The following FREM2 variants were observed in gnomAD, a reference collection of about 807,000 sequenced individuals.
FREM2 encodes FRAS1 related extracellular matrix 2.
A neutral mutation model predicts 219.9 loss-of-function variants in FREM2; 119 were observed. The observed-to-expected ratio is 0.54, with a 90% CI of 0.47 to 0.63. The LOEUF (loss-of-function observed/expected upper bound fraction) is 0.63, where lower values mean the gene tolerates loss of function less well. FREM2 is among the 30% of genes least tolerant of loss of function. The pLI is 0.00. For missense variants in FREM2, 4,030 were observed against 3,993.6 expected (o/e 1.01, Z -0.25); for synonymous variants, 1,562 against 1,522.8 (o/e 1.03, Z -0.60).
chr13:38,862,522 C>T (rs966978649), intron 15 of FREM2, among the ~76,000 whole-genome samples: 3 of 152,266 alleles, frequency 2.0e-5, no homozygotes, highest in East Asian at 3.9e-4. Context: ...CTTGGCTTTG[C>T]GTTTTCTGAA....
At chr13:38,752,648 G>A (rs964258876) in intron 2 of FREM2, among the ~76,000 whole-genome samples, 2 of 152,148 alleles carry the variant, frequency 1.3e-5, no homozygotes, top group African/African-American at 4.8e-5. Context: ...GAAGGCACTT[G>A]TATTTTCCCT....
At chr13:38,778,476 C>G (rs1184264366) in intron 4 of FREM2, among the ~76,000 whole-genome samples, 1 of 152,154 alleles carries the variant, frequency 6.6e-6, no homozygotes, top group Non-Finnish European at 1.5e-5. Flanking sequence ...ACCCTCATGA[C>G]CTCACCAAAG....
rs762606824 is a variant in FREM2 at position 38,880,701 on chromosome 13, A to C, written c.9424A>C (p.Arg3142=). 1 of 1,614,190 alleles carries C rather than the reference A, an allele frequency of 6.2e-7. No individual in the cohort carries two copies. The highest frequency in any genetic ancestry group is 8.5e-7 in the Non-Finnish European group (1 of 1,180,028). Residue 3142 remains arginine, a synonymous_variant, in exon 24 of 24, where the codon AGG becomes CGG. Transcript: ENST00000280481. Reference sequence around the variant, plus strand: ...GATGTGCAGGGGCAAGGAAAGTTTCAGGGGGAAGGATGCCCCGAAAGGCTC... The same window carrying C: ...GATGTGCAGGGGCAAGGAAAGTTTCCGGGGGAAGGATGCCCCGAAAGGCTC... ...VLMCRGKESF[R]GKDAPKGSSS...
At chr13:38,737,594 G>A (rs957753677) in intron 2 of FREM2, among the ~76,000 whole-genome samples, 2 of 152,190 alleles carry the variant, frequency 1.3e-5, no homozygotes, top group African/African-American at 4.8e-5. Context: ...ATAGGATACA[G>A]CAGTGAAGGA....
intron 16 of FREM2, among the ~76,000 whole-genome samples, chr13:38,872,336 G>T (rs931695680): frequency 6.6e-6 from 1 of 152,184 alleles, no homozygotes; most frequent in African/African-American, 2.4e-5. Context: ...TCCTTTTGGA[G>T]GTGATGAAAA....
At chr13:38,731,286 A>T (rs1375166495) in intron 2 of FREM2, among the ~76,000 whole-genome samples, 1 of 152,240 alleles carries the variant, frequency 6.6e-6, no homozygotes, top group Admixed American at 6.5e-5. Context: ...TTAAAATGAC[A>T]AAAACATACA....
At chr13:38,868,947 A>G (rs1878064245) in intron 16 of FREM2, among the ~76,000 whole-genome samples, 1 of 152,184 alleles carries the variant, frequency 6.6e-6, no homozygotes, top group South Asian at 2.1e-4. Flanking sequence ...ACCCCAGGAA[A>G]CAGCCCCTGC....
intron 6 of FREM2, among the ~76,000 whole-genome samples, chr13:38,823,022 A>G (rs1256232790): frequency 6.6e-6 from 1 of 152,108 alleles, no homozygotes. Context: ...AAAAGCATCA[A>G]AACAAATCAG....
intron 4 of FREM2, among the ~76,000 whole-genome samples, chr13:38,781,335 C>A (rs566631555): frequency 6.6e-6 from 1 of 152,228 alleles, no homozygotes; most frequent in African/African-American, 2.4e-5. Flanking sequence ...CTAATTCTAC[C>A]AGAGACTTTT....
At chr13:38,835,287 G>C (rs1186246981) in intron 6 of FREM2, among the ~76,000 whole-genome samples, 5 of 152,128 alleles carry the variant, frequency 3.3e-5, no homozygotes, top group African/African-American at 1.2e-4. Flanking sequence ...TGAGGCCTCT[G>C]TTCTGTTCCA....
At chr13:38,802,439 C>T (rs889746894) in intron 6 of FREM2, among the ~76,000 whole-genome samples, 2 of 151,470 alleles carry the variant, frequency 1.3e-5, no homozygotes, top group Admixed American at 1.3e-4. Flanking sequence ...GGAGGCTGGG[C>T]TTTCAGGATA....
rs191323534 is a variant in FREM2 at position 38,780,855 on chromosome 13, A to G, written c.5642-2215A>G. Among the ~76,000 whole-genome samples, 1,145 of 152,294 alleles carry G rather than the reference A, an allele frequency of 7.5e-3. 8 individuals carry two copies. The highest frequency in any genetic ancestry group is 0.017 in the Admixed American group (258 of 15,306). Reference sequence around the variant, plus strand: ...AATCCACTAGAGCTTCCCCATGCCAACAGCCTCCAATGAGGTCACACCTGA... The same window carrying G: ...AATCCACTAGAGCTTCCCCATGCCAGCAGCCTCCAATGAGGTCACACCTGA... On this transcript the variant is annotated intron_variant, in intron 4 of 23. Coordinates refer to ENST00000280481, the MANE Select transcript of FREM2 (RefSeq NM_207361.6).
chr13:38,751,197 T>C (rs1872743264), intron 2 of FREM2, among the ~76,000 whole-genome samples: 1 of 151,724 alleles, frequency 6.6e-6, no homozygotes, highest in Admixed American at 6.6e-5. Flanking sequence ...CAGTTCTTTT[T>C]TTTTTTTTTT....
chr13:38,874,710 T>C, intron 18 of FREM2, 124 bp downstream of exon 18: 1 of 770,408 alleles, frequency 1.3e-6, no homozygotes, highest in Non-Finnish European at 2.3e-6. Flanking sequence ...GAATTGTACA[T>C]GTGGGATTAT....
chr13:38,857,059 A>G (rs1195259940), intron 12 of FREM2, among the ~76,000 whole-genome samples: 1 of 152,140 alleles, frequency 6.6e-6, no homozygotes, highest in Non-Finnish European at 1.5e-5. Flanking sequence ...AAACTCAAGT[A>G]TGGGCAATCT....
chr13:38,816,293 AG>A (rs1357340752), intron 6 of FREM2, among the ~76,000 whole-genome samples: 1 of 152,182 alleles, frequency 6.6e-6, no homozygotes, highest in African/African-American at 2.4e-5. Context: ...GAAAAACTAC[AG>A]GTTAGGATCT....
At chr13:38,720,583 A>T (rs1871185648) in intron 2 of FREM2, among the ~76,000 whole-genome samples, 1 of 152,216 alleles carries the variant, frequency 6.6e-6, no homozygotes, top group Admixed American at 6.5e-5. Flanking sequence ...GTCAGGCAGG[A>T]TTCCTGAAAG....
Position 38,784,553 on chromosome 13 carries a change from C to G in FREM2, c.5768-4C>G, listed in dbSNP as rs1874247085. The G allele has an allele frequency of 6.2e-7, 1 of 1,614,092 alleles. No individual in the cohort carries two copies. Among genetic ancestry groups the G allele is most frequent in the South Asian group, 1.1e-5 (1 of 91,080 alleles). On this transcript the variant is annotated splice_region_variant and splice_polypyrimidine_tract_variant and intron_variant, in intron 5 of 23. Coordinates refer to ENST00000280481, the MANE Select transcript of FREM2 (RefSeq NM_207361.6). ...AAAATCTTTTGAATTCTCTCTGCTT[C>G]CAGGAACAGCAACTGGAACTGTGCC...
At chr13:38,825,544 G>A (rs573728722) in intron 6 of FREM2, among the ~76,000 whole-genome samples, 2 of 152,210 alleles carry the variant, frequency 1.3e-5, no homozygotes, top group African/African-American at 4.8e-5. Context: ...AAAAGCAGTG[G>A]TTAGCCTTCC....
Sources: allele counts gnomAD v4.1 joint callset (sites outside exome capture counted in the v4.1 genomes callset), GRCh38; gene constraint gnomAD v4.1.1; transcripts MANE v1.5; gene names NCBI Gene and HGNC (gene_info 2026-07-23, HGNC 2026-07-21).